The following C8orf34 variants were observed in gnomAD, a reference collection of about 807,000 sequenced individuals.
C8orf34 encodes the protein chromosome 8 open reading frame 34, also known as uncharacterized protein C8orf34.
Under a neutral mutation model 68.3 loss-of-function variants are expected in C8orf34, and 65 were observed. The ratio of observed to expected loss-of-function variants is 0.95; its 90% CI spans 0.78 to 1.17. The LOEUF (loss-of-function observed/expected upper bound fraction) is 1.17, where lower values mean the gene tolerates loss of function less well. C8orf34 is among the 50% of genes most tolerant of loss of function. C8orf34 has a pLI of 0.00. For synonymous variants in C8orf34, 244 were observed against 241.2 expected, an observed-to-expected ratio of 1.01 and a Z score of -0.11; for missense variants, 664 against 655.4, an observed-to-expected ratio of 1.01 and a Z score of -0.14.
chr8:68,564,974 G>A (rs914728973), intron 7 of C8orf34, among the ~76,000 whole-genome samples: 11 of 152,092 alleles, frequency 7.2e-5, no homozygotes, highest in African/African-American at 2.4e-4. Context: ...TTGAGAATAG[G>A]GTGCCTGCCA....
intron 10 of C8orf34, among the ~76,000 whole-genome samples, chr8:68,765,818 C>G (rs1205427331): frequency 6.6e-6 from 1 of 152,128 alleles, no homozygotes; most frequent in Non-Finnish European, 1.5e-5. Flanking sequence ...AAATTTAGGC[C>G]CCTTCAATTA....
intron 10 of C8orf34, among the ~76,000 whole-genome samples, chr8:68,725,753 C>T (rs1821810792): frequency 6.6e-6 from 1 of 152,078 alleles, no homozygotes; most frequent in South Asian, 2.1e-4. Context: ...TTCCCAGTGC[C>T]CAAACTGTCT....
chr8:68,395,267 T>C (rs1808647360), intron 1 of C8orf34, among the ~76,000 whole-genome samples: 1 of 151,884 alleles, frequency 6.6e-6, no homozygotes, highest in African/African-American at 2.4e-5. Flanking sequence ...CATATAACTA[T>C]TGGGGAAAGG....
chr8:68,674,770 T>A (rs1222784546), intron 8 of C8orf34, among the ~76,000 whole-genome samples: 1 of 152,022 alleles, frequency 6.6e-6, no homozygotes, highest in Non-Finnish European at 1.5e-5. Context: ...GATAAAGATA[T>A]CAATGTCCAC....
At position 68,477,262 on chromosome 8, in the gene C8orf34, A is replaced by G. The variant is rs73264460; in HGVS notation, c.736+8442A>G. On this transcript the variant is annotated intron_variant, in intron 4 of 13. Coordinates refer to ENST00000518698, the MANE Select transcript of C8orf34 (RefSeq NM_052958.4). ...AATCAGGGGTAGGGACTTCTATGCT[A>G]CAGGAATCTTGTCAGTAGATTATGA... is the stretch of plus-strand genomic sequence containing the variant. Among the ~76,000 whole-genome samples the G allele has an allele frequency of 9.6e-3, 1,459 of 152,320 alleles. 23 individuals are homozygous for G. Among genetic ancestry groups the G allele is most frequent in the African/African-American group, 0.033 (1,372 of 41,570 alleles).
intron 7 of C8orf34, among the ~76,000 whole-genome samples, chr8:68,562,439 G>A (rs1333319687): frequency 6.6e-6 from 1 of 152,160 alleles, no homozygotes; most frequent in Non-Finnish European, 1.5e-5. Flanking sequence ...CATTTCTGCA[G>A]TTTGACTCTA....
In C8orf34 at chr8:68,533,155, T is replaced by C. The variant is rs1815320959; in HGVS notation, c.1105+6T>C. On this transcript the variant is annotated splice_donor_region_variant and intron_variant, in intron 7 of 13. Transcript: ENST00000518698. The stretch of plus-strand genomic sequence containing the variant: ...TGATGCAATGGAATTGCTGGGTAAT[T>C]TTAAAAATTAATAATTTCTCATTTT... The C allele has an allele frequency of 6.4e-7, 1 of 1,559,282 alleles. No homozygotes were observed. Among genetic ancestry groups the C allele is most frequent in the East Asian group, 2.3e-5 (1 of 43,954 alleles).
intron 1 of C8orf34, among the ~76,000 whole-genome samples, chr8:68,434,053 A>G (rs1213907132): frequency 6.6e-6 from 1 of 152,178 alleles, no homozygotes; most frequent in Non-Finnish European, 1.5e-5. Context: ...TCACTCAATA[A>G]TTACATAATG....
At chr8:68,542,957 A>C (rs1359066269) in intron 7 of C8orf34, among the ~76,000 whole-genome samples, 2 of 152,090 alleles carry the variant, frequency 1.3e-5, no homozygotes, top group Admixed American at 6.6e-5. Flanking sequence ...CATATTTAAA[A>C]ACTTATTCTT....
intron 12 of C8orf34, among the ~76,000 whole-genome samples, chr8:68,808,372 C>A (rs571567931): frequency 4.6e-5 from 7 of 152,038 alleles, no homozygotes; most frequent in Non-Finnish European, 8.8e-5. Flanking sequence ...TATTTACTTT[C>A]TAATGGTTTT....
At chr8:68,449,597 C>G (rs1811262369) in intron 3 of C8orf34, among the ~76,000 whole-genome samples, 1 of 151,954 alleles carries the variant, frequency 6.6e-6, no homozygotes, top group East Asian at 1.9e-4. Flanking sequence ...TGTTTCCCAG[C>G]ACATAAAAAA....
In C8orf34 at chr8:68,459,014, G is replaced by A. The variant is rs1811668302; in HGVS notation, c.608-9678G>A. Among the ~76,000 whole-genome samples the A allele has an allele frequency of 2.0e-5, 3 of 152,134 alleles. No homozygotes were observed. The South Asian group carries it at 6.2e-4, about 31-fold the overall frequency. On this transcript the variant is annotated intron_variant, in intron 3 of 13. Transcript: ENST00000518698. ...ATCAAATTCTACTCCCCTAGAAATA[G>A]TTTGTGTCTTTGTATATTCTTTCCT... is the stretch of plus-strand genomic sequence containing the variant.
intron 5 of C8orf34, among the ~76,000 whole-genome samples, chr8:68,520,929 A>G (rs889134985): frequency 5.9e-5 from 9 of 152,244 alleles, no homozygotes; most frequent in Non-Finnish European, 1.2e-4. Context: ...CAATGCAAAA[A>G]GAAGAAACTA....
intron 8 of C8orf34, among the ~76,000 whole-genome samples, chr8:68,658,823 T>G (rs994606303): frequency 6.6e-6 from 1 of 152,204 alleles, no homozygotes; most frequent in Non-Finnish European, 1.5e-5. Flanking sequence ...GTTTTCCCCA[T>G]GCAATACCAT....
At chr8:68,352,060 GT>G (rs1281616882) in intron 1 of C8orf34, among the ~76,000 whole-genome samples, 1 of 151,890 alleles carries the variant, frequency 6.6e-6, no homozygotes, top group Admixed American at 6.6e-5. Flanking sequence ...TTACTGTCGA[GT>G]TTTAAGGGTT....
At chr8:68,525,908 G>T in intron 6 of C8orf34, 1 of 236,082 alleles carries the variant, frequency 4.2e-6, no homozygotes, top group Non-Finnish European at 8.3e-6. Context: ...GTGCACCATT[G>T]TGGCAGCATG....
At chr8:68,614,633 G>A (rs1161132570) in intron 7 of C8orf34, among the ~76,000 whole-genome samples, 2 of 152,198 alleles carry the variant, frequency 1.3e-5, no homozygotes, top group East Asian at 3.9e-4. Context: ...GCTCTGTTGT[G>A]TTCCATTGAT....
chr8:68,615,228 T>A (rs1196515963), intron 7 of C8orf34, among the ~76,000 whole-genome samples: 1 of 151,196 alleles, frequency 6.6e-6, no homozygotes, highest in African/African-American at 2.4e-5. Context: ...AATCATGTCA[T>A]CTGCAAACAG....
intron 6 of C8orf34, chr8:68,525,805 G>T: frequency 1.9e-6 from 1 of 534,544 alleles, no homozygotes; most frequent in South Asian, 1.6e-5. Flanking sequence ...GAAACAGGAT[G>T]ATAACTCTGG....
Sources: allele counts gnomAD v4.1 joint callset (sites outside exome capture counted in the v4.1 genomes callset), GRCh38; gene constraint gnomAD v4.1.1; transcripts MANE v1.5; gene names NCBI Gene and HGNC (gene_info 2026-07-23, HGNC 2026-07-21).